Variants in STAG2 observed in about 807,000 individuals in gnomAD.
The protein encoded by STAG2 is STAG2 cohesin complex component, also known as cohesin subunit SA-2.
STAG2 carries 14 observed loss-of-function variants against 108.1 expected under a neutral mutation model. That is an observed-to-expected ratio of 0.13 (90% confidence interval 0.09 to 0.20). The LOEUF (loss-of-function observed/expected upper bound fraction) is 0.20. Ranked by LOEUF, STAG2 falls within the 10% of genes least tolerant of loss-of-function variation. The pLI is 1.00. For synonymous variants in STAG2, 307 were observed against 302.7 expected (o/e 1.01, Z -0.15); for missense variants, 440 against 940.9 (o/e 0.47, Z 6.96).
At chrX:123,961,310 C>A (rs1053314242), upstream of STAG2, 2 of 109,010 alleles carry the variant, frequency 1.8e-5, no homozygotes, top group African/African-American at 6.7e-5. Flanking sequence ...CCCCCCCCCC[C>A]CATGGGTGGC....
At chrX:124,044,373 C>T (rs1383892686) in intron 7 of STAG2, among the ~76,000 whole-genome samples, 2 of 111,652 alleles carry the variant, frequency 1.8e-5, no homozygotes, top group Non-Finnish European at 3.8e-5. Context: ...AGATGAGACG[C>T]AACTGCACTT....
intron 15 of STAG2, among the ~76,000 whole-genome samples, chrX:124,059,053 A>G (rs1013850906): frequency 6.3e-5 from 7 of 111,103 alleles, no homozygotes; most frequent in South Asian, 3.8e-4. Flanking sequence ...GCGGTGGCTG[A>G]CGCCTGTACT....
At chrX:124,048,691 G>T (rs191978934) in intron 9 of STAG2, among the ~76,000 whole-genome samples, 3 of 111,288 alleles carry the variant, frequency 2.7e-5, no homozygotes, top group Non-Finnish European at 5.7e-5. Context: ...TGGCCTCCCC[G>T]AGTGCTGAGA....
intron 1 of STAG2, among the ~76,000 whole-genome samples, chrX:123,985,325 GC>G (rs1280639363): frequency 9.0e-6 from 1 of 110,888 alleles, no homozygotes; most frequent in East Asian, 2.8e-4. Context: ...GGCGTCCTGT[GC>G]CCAAGGGATC....
chrX:124,034,128 A>G (rs1381953256), intron 5 of STAG2, among the ~76,000 whole-genome samples: 1 of 112,307 alleles, frequency 8.9e-6, no homozygotes, highest in Non-Finnish European at 1.9e-5. Flanking sequence ...CTAAAAATGA[A>G]TATTTTCTTT....
At chrX:123,993,674 G>A (rs2055588799) in intron 1 of STAG2, among the ~76,000 whole-genome samples, 1 of 111,462 alleles carries the variant, frequency 9.0e-6, no homozygotes, top group Non-Finnish European at 1.9e-5. Flanking sequence ...ACAGGTTGCT[G>A]ATTCCATGAC....
At position 124,063,912 on chromosome X, in the gene STAG2, T is replaced by C; in HGVS notation, c.1886T>C (p.Leu629Ser). 3.3e-6 allele frequency: 4 copies of C among 1,210,861 alleles called. No individual in the cohort carries two copies. The highest frequency in any genetic ancestry group is 4.5e-6 in the Non-Finnish European group (4 of 894,648). The part of the protein sequence containing the change: ...IVEKHTDTDV[L>S]EACSKTYHAL... ...GAGAAGCACACAGATACAGATGTTTTGGAAGCATGTTCTAAAACTTACCAT... is the reference window on the plus strand; with the variant it reads ...GAGAAGCACACAGATACAGATGTTTCGGAAGCATGTTCTAAAACTTACCAT... The change falls in exon 20 of 35, where the codon TTG becomes TCG. Residue 629 changes from leucine (L) to serine (S), a missense_variant. Leu to Ser is a moderately radical substitution (Grantham distance 145). Transcript: ENST00000371145.
At chrX:124,042,684 G>A (rs1286588044) in intron 7 of STAG2, 39 bp downstream of exon 7, 14 of 935,697 alleles carry the variant, frequency 1.5e-5, no homozygotes, top group South Asian at 6.1e-5. Flanking sequence ...ACTTATGCAT[G>A]TTTATCTTGA....
intron 1 of STAG2, among the ~76,000 whole-genome samples, chrX:123,980,600 A>G (rs1011415210): frequency 9.0e-6 from 1 of 111,636 alleles, no homozygotes; most frequent in Non-Finnish European, 1.9e-5. Context: ...TCTCATGGGA[A>G]TTGGGTTCTT....
At chrX:124,031,551 G>T (rs1307788097) in intron 5 of STAG2, among the ~76,000 whole-genome samples, 2 of 94,444 alleles carry the variant, frequency 2.1e-5, no homozygotes, top group African/African-American at 7.3e-5. Context: ...TTGTTTGTTT[G>T]TTTTTTTTGT....
intron 1 of STAG2, among the ~76,000 whole-genome samples, chrX:124,000,605 G>C (rs2055984313): frequency 9.0e-6 from 1 of 111,571 alleles, no homozygotes; most frequent in Non-Finnish European, 1.9e-5. Context: ...GAGCCAGGGA[G>C]TTCAAGGTTG....
chrX:123,978,402 G>A (rs1418356252), intron 1 of STAG2, among the ~76,000 whole-genome samples: 4 of 110,259 alleles, frequency 3.6e-5, no homozygotes, highest in Non-Finnish European at 7.6e-5. Context: ...GAGAACATGT[G>A]GTGTTTGGTT....
intron 10 of STAG2, among the ~76,000 whole-genome samples, 186 bp downstream of exon 10, chrX:124,049,264 C>T (rs1199960040): frequency 1.8e-5 from 2 of 111,205 alleles, no homozygotes; most frequent in African/African-American, 6.5e-5. Flanking sequence ...TTGGTGTTTC[C>T]CATCTGAAAA....
At chrX:123,997,030 T>C (rs773240647) in intron 1 of STAG2, among the ~76,000 whole-genome samples, 2 of 112,501 alleles carry the variant, frequency 1.8e-5, no homozygotes, top group East Asian at 5.6e-4. Context: ...CTTGGCACCT[T>C]TGTCAAAAAT....
Position 124,021,391 on chromosome X carries a change from T to C in STAG2, c.-138T>C, listed in dbSNP as rs1011620765. The C allele has an allele frequency of 9.0e-6, 1 of 111,693 alleles. No individual in the cohort carries two copies. Among genetic ancestry groups the C allele is most frequent in the African/African-American group, 3.3e-5 (1 of 30,757 alleles). The allele number at this position is 111,693 out of a possible 1,213,427, so 9.2% of individuals were successfully genotyped here. A position where few individuals can be genotyped will look rare whatever the true frequency, so the allele number is the denominator to read the frequency against. ...GGTGGCCACCGAGTACTAAATTCACTTGGGAATAAAAGAAAAACATAAGAA... is the reference window on the plus strand; with the variant it reads ...GGTGGCCACCGAGTACTAAATTCACCTGGGAATAAAAGAAAAACATAAGAA... On this transcript the variant is annotated 5_prime_UTR_variant, in exon 2 of 35. Transcript: ENST00000371145.
intron 1 of STAG2, among the ~76,000 whole-genome samples, chrX:123,974,576 TC>T (rs1461873881): frequency 1.1e-5 from 1 of 94,188 alleles, no homozygotes; most frequent in Non-Finnish European, 2.1e-5. Flanking sequence ...GTTGATACCT[TC>T]TTTTTTTTTT....
At chrX:124,043,904 G>C (rs983347291) in intron 7 of STAG2, among the ~76,000 whole-genome samples, 12 of 111,287 alleles carry the variant, frequency 1.1e-4, no homozygotes, top group Non-Finnish European at 3.8e-5. Flanking sequence ...AGGGATTTGG[G>C]TTTGTTTGGG....
chrX:124,058,105 T>G, intron 15 of STAG2, 128 bp downstream of exon 15: 1 of 221,341 alleles, frequency 4.5e-6, no homozygotes, highest in Non-Finnish European at 7.9e-6. Context: ...AGCCACCCAC[T>G]CCCCCACTCC....
chrX:124,077,949 C>A lies in STAG2; in HGVS notation c.2674-8C>A. 2.8e-6 allele frequency: 3 copies of A among 1,072,229 alleles called. No homozygotes were observed. The highest frequency in any genetic ancestry group is 3.7e-6 in the Non-Finnish European group (3 of 802,752). The allele number at this position is 1,072,229 out of a possible 1,213,427, so 88.4% of individuals were successfully genotyped here. On this transcript the variant is annotated splice_region_variant and splice_polypyrimidine_tract_variant and intron_variant, in intron 26 of 34. Coordinates refer to ENST00000371145, the MANE Select transcript of STAG2 (RefSeq NM_001042750.2). ...ATAAAGCTCTAATTTGTACAAATTTCTTTATAGTATTATAATGACTATGGA... is the reference window on the plus strand; with the variant it reads ...ATAAAGCTCTAATTTGTACAAATTTATTTATAGTATTATAATGACTATGGA...
Sources: allele counts gnomAD v4.1 joint callset (sites outside exome capture counted in the v4.1 genomes callset), GRCh38; gene constraint gnomAD v4.1.1; transcripts MANE v1.5; gene names NCBI Gene and HGNC (gene_info 2026-07-23, HGNC 2026-07-21).